ZC3HAV1: variants seen among roughly 807,000 people sequenced by gnomAD.
The protein encoded by ZC3HAV1 is zinc finger CCCH-type antiviral protein 1.
A neutral mutation model predicts 86.6 loss-of-function variants in ZC3HAV1; 41 were observed. The observed-to-expected ratio is 0.47, with a 90% CI of 0.37 to 0.61. The LOEUF is 0.61. ZC3HAV1 is among the 20% of genes least tolerant of loss of function. The pLI is 0.00. For missense variants in ZC3HAV1, 964 were observed against 1,141.1 expected (o/e 0.84, Z 2.24); for synonymous variants, 421 against 432.1 (o/e 0.97, Z 0.32).
At chr7:139,079,104 A>T (rs755756189) in intron 4 of ZC3HAV1, 280 of 1,535,954 alleles carry the variant, frequency 1.8e-4, no homozygotes, top group Non-Finnish European at 2.4e-4. Flanking sequence ...AGTGACTTAC[A>T]CTGAGCAGAG....
rs1350827557 is a variant in ZC3HAV1, at chr7:139,108,992, C to T, written c.308+32G>A. The T allele has an allele frequency of 1.3e-6, 2 of 1,512,074 alleles. No individual in the cohort carries two copies. Among genetic ancestry groups the T allele is most frequent in the Non-Finnish European group, 1.8e-6 (2 of 1,121,202 alleles). The allele number at this position is 1,512,074 out of a possible 1,614,324, so 93.7% of individuals were successfully genotyped here. A position where few individuals can be genotyped will look rare whatever the true frequency, so the allele number is the denominator to read the frequency against. On this transcript the variant is annotated intron_variant, in intron 1 of 12. Transcript: ENST00000242351. The surrounding 1 kb of genome is among the most constrained non-coding windows in gnomAD (Gnocchi z 4.2). Reference sequence around the variant, plus strand: ...GGACAGTCCACCCCGACCACGGCTGCGGACAGCGCCCCTCCCTCCGGGTGC... The same window carrying T: ...GGACAGTCCACCCCGACCACGGCTGTGGACAGCGCCCCTCCCTCCGGGTGC...
rs973577267 is a variant in ZC3HAV1 at position 139,058,443 on chromosome 7, C to G, written c.2096+2593G>C. On this transcript the variant is annotated intron_variant, in intron 9 of 12. Transcript: ENST00000242351. ...CACCCCAGCAACCTAACCCCCAACCCCCCCCCCCCCCACAAAAAAACACCA... is the reference window on the plus strand; with the variant it reads ...CACCCCAGCAACCTAACCCCCAACCGCCCCCCCCCCCACAAAAAAACACCA... 3.0e-4 allele frequency among the ~76,000 whole-genome samples: 13 copies of G among 43,100 alleles called. No individual in the cohort carries two copies. The East Asian group carries it at 4.8e-3, about 16-fold the overall frequency. The allele number at this position is 43,100 out of a possible 152,430, so 28.3% of individuals were successfully genotyped here.
rs1815993840 is a variant in ZC3HAV1, at chr7:139,047,499, G to A, written c.*95C>T. The A allele has an allele frequency of 1.3e-6, 2 of 1,549,142 alleles. No homozygotes were observed. The highest frequency in any genetic ancestry group is 1.9e-5 in the Admixed American group (1 of 51,648). On this transcript the variant is annotated 3_prime_UTR_variant, in exon 13 of 13. Coordinates refer to ENST00000242351, the MANE Select transcript of ZC3HAV1 (RefSeq NM_020119.4). Reference sequence around the variant, plus strand: ...ATCTAAGACATTAGATAACTGAGCAGGAAAATATAAAACTTTAACTCCTGT... The same window carrying A: ...ATCTAAGACATTAGATAACTGAGCAAGAAAATATAAAACTTTAACTCCTGT...
intron 5 of ZC3HAV1, 51 bp from the exon 6 acceptor site, chr7:139,076,460 C>A: frequency 6.2e-7 from 1 of 1,604,914 alleles, no homozygotes; most frequent in South Asian, 1.1e-5. Context: ...GGATTCTAAC[C>A]AATTCAGTCA....
chr7:139,093,947 T>C (rs1053411510), intron 1 of ZC3HAV1, among the ~76,000 whole-genome samples: 1 of 152,194 alleles, frequency 6.6e-6, no homozygotes, highest in African/African-American at 2.4e-5. Flanking sequence ...CAGCTCCAGG[T>C]GCCTAATATT....
intron 12 of ZC3HAV1, among the ~76,000 whole-genome samples, chr7:139,052,616 A>G (rs975835567): frequency 6.7e-6 from 1 of 149,414 alleles, no homozygotes. Flanking sequence ...CAAAAAAAAA[A>G]AAAAAAAAAA....
rs191191746 is a variant in ZC3HAV1 at position 139,106,615 on chromosome 7, A to T, written c.308+2409T>A. On this transcript the variant is annotated intron_variant, in intron 1 of 12. Transcript: ENST00000242351. ...GGGTGACCCTATCTCAAAAAATTTT[A>T]AAAAAATCTTTTTTTAAAAGGATTA... Among the ~76,000 whole-genome samples, 458 of 152,270 alleles carry T rather than the reference A, an allele frequency of 3.0e-3. 2 individuals are homozygous for T. Among genetic ancestry groups the T allele is most frequent in the African/African-American group, 9.9e-3 (412 of 41,556 alleles).
Position 139,072,577 on chromosome 7 carries a change from C to T in ZC3HAV1, c.1872+1279G>A, listed in dbSNP as rs182952609. 2.0e-3 allele frequency among the ~76,000 whole-genome samples: 301 copies of T among 152,232 alleles called. 1 individual carries two copies. The highest frequency in any genetic ancestry group is 6.8e-3 in the African/African-American group (281 of 41,516). ...CCATTACCTGCTTAAGGTCTGTTTT[C>T]TCTCTCTCTTTAATCCTATGAGTTA... On this transcript the variant is annotated intron_variant, in intron 7 of 12. Transcript: ENST00000242351.
intron 9 of ZC3HAV1, among the ~76,000 whole-genome samples, chr7:139,057,150 A>G (rs955454295): frequency 6.6e-6 from 1 of 151,948 alleles, no homozygotes; most frequent in African/African-American, 2.4e-5. Context: ...GGAGTTTAAG[A>G]CCTGCCTGAG....
intron 12 of ZC3HAV1, among the ~76,000 whole-genome samples, chr7:139,052,235 C>T (rs111656239): frequency 0.061 from 9,164 of 149,492 alleles, 744 homozygotes; most frequent in African/African-American, 0.19. Flanking sequence ...CCCATTAACT[C>T]GTCACGTAGC....
chr7:139,080,147 G>A lies in ZC3HAV1; in HGVS notation c.794C>T (p.Ser265Leu). The A allele has an allele frequency of 6.2e-7, 1 of 1,614,170 alleles. No homozygotes were observed. Residue 265 changes from serine to leucine, a missense_variant, in exon 4 of 13, where the codon TCA (serine) becomes TTA (leucine). Coordinates refer to ENST00000242351, the MANE Select transcript of ZC3HAV1 (RefSeq NM_020119.4). ...QGSQEFLASA[S>L]ASAERSCTPS... is the part of the protein sequence containing the mutation. ...TGTGCAGGACCTCTCAGCAGACGCT[G>A]AAGCAGACGCAAGAAATTCTTGGCT...
At chr7:139,083,313 A>G (rs1204129530) in intron 3 of ZC3HAV1, among the ~76,000 whole-genome samples, 1 of 152,168 alleles carries the variant, frequency 6.6e-6, no homozygotes, top group African/African-American at 2.4e-5. Context: ...CTACCATTAT[A>G]ATTATGTAAA....
chr7:139,092,212 T>C (rs1017988565), intron 1 of ZC3HAV1, among the ~76,000 whole-genome samples: 1 of 152,198 alleles, frequency 6.6e-6, no homozygotes, highest in African/African-American at 2.4e-5. Context: ...CTCGCCACCA[T>C]ATCTTATCAG....
Position 139,080,049 on chromosome 7 carries a change from T to C in ZC3HAV1, c.892A>G (p.Thr298Ala). The C allele has an allele frequency of 6.2e-7, 1 of 1,614,108 alleles. No individual in the cohort carries two copies. Among genetic ancestry groups the C allele is most frequent in the South Asian group, 1.1e-5 (1 of 91,082 alleles). Residue 298 changes from threonine to alanine, a missense_variant, in exon 4 of 13, where the codon ACG becomes GCG. By Grantham distance (58) the Thr-to-Ala change is moderately conservative. Transcript: ENST00000242351. Reference sequence around the variant, plus strand: ...GCGCGATCCTGACTCCCCAGATACGTGAACTTGCGGGTGAGATCGTCCACA... The same window carrying C: ...GCGCGATCCTGACTCCCCAGATACGCGAACTTGCGGGTGAGATCGTCCACA... ...APVDDLTRKF[T>A]YLGSQDRARP...
intron 9 of ZC3HAV1, chr7:139,060,322 T>C: frequency 5.1e-6 from 5 of 985,112 alleles, no homozygotes; most frequent in African/African-American, 1.7e-5. Flanking sequence ...AGAAAAAAAA[T>C]ATCCAACTCC....
intron 1 of ZC3HAV1, among the ~76,000 whole-genome samples, chr7:139,099,109 A>G (rs1817682868): frequency 6.6e-6 from 1 of 152,190 alleles, no homozygotes; most frequent in South Asian, 2.1e-4. Flanking sequence ...ACAATGTCAT[A>G]ATGTTTGTTA....
At chr7:139,079,051 C>T (rs1817041720) in intron 4 of ZC3HAV1, 2 of 1,528,966 alleles carry the variant, frequency 1.3e-6, no homozygotes, top group African/African-American at 1.4e-5. Context: ...CAGCCATAGC[C>T]ACTCTGCTGC....
At chr7:139,105,101 C>T (rs1817896598) in intron 1 of ZC3HAV1, among the ~76,000 whole-genome samples, 1 of 151,420 alleles carries the variant, frequency 6.6e-6, no homozygotes, top group Non-Finnish European at 1.5e-5. Flanking sequence ...GTAGTCCCAG[C>T]TACTCAGGAG....
At chr7:139,051,223 A>C (rs958228895) in intron 12 of ZC3HAV1, among the ~76,000 whole-genome samples, 1 of 151,614 alleles carries the variant, frequency 6.6e-6, no homozygotes, top group Non-Finnish European at 1.5e-5. Flanking sequence ...GCACCCAGCT[A>C]ATTTTTGTAT....
Sources: allele counts gnomAD v4.1 joint callset (sites outside exome capture counted in the v4.1 genomes callset), GRCh38; gene constraint gnomAD v4.1.1; non-coding constraint Gnocchi (gnomAD v3.1); transcripts MANE v1.5; gene names NCBI Gene and HGNC (gene_info 2026-07-23, HGNC 2026-07-21).